The following ANK2 variants were observed in gnomAD, a reference collection of about 807,000 sequenced individuals.
ANK2 encodes ankyrin-2.
Under a neutral mutation model 360.5 loss-of-function variants are expected in ANK2, and 83 were observed. That is an observed-to-expected ratio of 0.23 (90% CI 0.19 to 0.28). ANK2 has a LOEUF of 0.28. ANK2 is among the 10% of genes least tolerant of loss of function. ANK2 has a pLI of 1.00. For missense variants in ANK2, 4,201 were observed against 4,795.7 expected, an observed-to-expected ratio of 0.88 and a Z score of 3.66; for synonymous variants, 1,740 against 1,759.5, an observed-to-expected ratio of 0.99 and a Z score of 0.28.
Position 112,940,894 on chromosome 4 carries a change from C to G in ANK2, c.21+36380C>G, listed in dbSNP as rs148959278. The stretch of plus-strand genomic sequence containing the variant: ...TCAAAGAGTATGATTTATTTATGTT[C>G]TGAATCACAGCCGCTAATGCTCACA... On this transcript the variant is annotated intron_variant, in intron 2 of 30. Transcript: ENST00000503271. Among the ~76,000 whole-genome samples, 588 of 152,148 alleles carry G rather than the reference C, an allele frequency of 3.9e-3. 4 individuals carry two copies. Among genetic ancestry groups the G allele is most frequent in the African/African-American group, 0.013 (538 of 41,528 alleles).
In ANK2 at chr4:113,363,320, T is replaced by C. The variant is rs2154047232; in HGVS notation, c.10757-18T>C. The C allele has an allele frequency of 6.2e-7, 1 of 1,611,440 alleles. No individual in the cohort carries two copies. The highest frequency in any genetic ancestry group is 1.1e-5 in the South Asian group (1 of 90,966). On this transcript the variant is annotated intron_variant, in intron 39 of 45. Coordinates refer to ENST00000357077, the MANE Select transcript of ANK2 (RefSeq NM_001148.6). Reference sequence around the variant, plus strand: ...CCTTGAAGTTAATGTGTTTACAAAGTAGTATTTTATCTTCTAGAATTAGCA... The same window carrying C: ...CCTTGAAGTTAATGTGTTTACAAAGCAGTATTTTATCTTCTAGAATTAGCA...
intron 2 of ANK2, among the ~76,000 whole-genome samples, chr4:112,978,151 G>C (rs1436215467): frequency 2.0e-5 from 3 of 152,054 alleles, no homozygotes; most frequent in Non-Finnish European, 4.4e-5. Flanking sequence ...GGCTGAGGCA[G>C]GAGAATTGCT....
the ANK2 span, among the ~76,000 whole-genome samples, chr4:112,760,717 C>T: frequency 6.6e-6 from 1 of 151,904 alleles, no homozygotes; most frequent in South Asian, 2.1e-4. Context: ...TAAAGGTGGG[C>T]TCTTTCCTGG....
At chr4:113,280,748 G>T (rs1182016416) in intron 17 of ANK2, among the ~76,000 whole-genome samples, 1 of 152,168 alleles carries the variant, frequency 6.6e-6, no homozygotes, top group Non-Finnish European at 1.5e-5. Flanking sequence ...TGTAGGTTGA[G>T]TATCTACCAG....
chr4:112,830,172 T>C (rs891581578), intron 1 of ANK2, among the ~76,000 whole-genome samples: 3 of 152,082 alleles, frequency 2.0e-5, no homozygotes, highest in Admixed American at 2.0e-4. Flanking sequence ...GAAACATAAA[T>C]TGTTCTACCA....
At chr4:113,202,788 G>A (rs6828068) in intron 4 of ANK2, among the ~76,000 whole-genome samples, 53,964 of 152,112 alleles carry the variant, frequency 0.35, 10,375 homozygotes, top group South Asian at 0.45. Flanking sequence ...ACCAATTTTG[G>A]TAGAGAGTGT....
chr4:112,845,656 A>G (rs897216500), intron 1 of ANK2, among the ~76,000 whole-genome samples: 2 of 152,230 alleles, frequency 1.3e-5, no homozygotes, highest in African/African-American at 4.8e-5. Flanking sequence ...CTTCTGGGAA[A>G]TTAACTGACA....
At chr4:112,778,578 C>T in the ANK2 span, among the ~76,000 whole-genome samples, 5 of 152,204 alleles carry the variant, frequency 3.3e-5, no homozygotes, top group Non-Finnish European at 5.9e-5. Flanking sequence ...GAAGAATGCA[C>T]AGTCCTTCTC....
chr4:113,324,799 A>AT (rs1394844335), intron 26 of ANK2, among the ~76,000 whole-genome samples: 2 of 151,900 alleles, frequency 1.3e-5, no homozygotes, highest in South Asian at 2.1e-4. Flanking sequence ...CACTCTGATG[A>AT]TTTTTTTTCC....
intron 2 of ANK2, among the ~76,000 whole-genome samples, chr4:113,185,124 G>C (rs2098493671): frequency 6.6e-6 from 1 of 152,118 alleles, no homozygotes; most frequent in Non-Finnish European, 1.5e-5. Context: ...ATTTGGGTTG[G>C]TTCCAAGTCT....
intron 2 of ANK2, among the ~76,000 whole-genome samples, chr4:112,932,608 G>A (rs2093367088): frequency 1.3e-5 from 2 of 150,506 alleles, no homozygotes; most frequent in African/African-American, 4.9e-5. Flanking sequence ...AAGTTTTAGT[G>A]TTAGTCCAAA....
chr4:113,183,057 G>T lies in ANK2; in HGVS notation c.186+8540G>T, dbSNP rs1021676387. On this transcript the variant is annotated intron_variant, in intron 2 of 45. Coordinates refer to ENST00000357077, the MANE Select transcript of ANK2 (RefSeq NM_001148.6). ...CAAGTGGAGGGACTGGCTTTTGCTA[G>T]AATCGTGGATAGTTCAGGAAAAGGA... is the stretch of plus-strand genomic sequence containing the variant. Among the ~76,000 whole-genome samples the T allele has an allele frequency of 1.1e-4, 16 of 152,272 alleles. No individual in the cohort carries two copies. In the East Asian group the frequency reaches 3.1e-3, roughly 29 times the overall value.
chr4:113,380,269 G>A (rs1254302146), intron 45 of ANK2, among the ~76,000 whole-genome samples: 5 of 151,676 alleles, frequency 3.3e-5, no homozygotes, highest in African/African-American at 1.2e-4. Flanking sequence ...AAAAAAAGAA[G>A]AATATATAGT....
intron 21 of ANK2, 157 bp from the exon 22 acceptor site, chr4:113,293,279 AAGAC>A (rs1409856105): frequency 1.4e-6 from 1 of 726,674 alleles, no homozygotes; most frequent in Admixed American, 2.0e-5. Flanking sequence ...AGAAGTTACA[AAGAC>A]AGATTTAGAC....
chr4:113,024,521 C>G (rs1326544995), intron 2 of ANK2, among the ~76,000 whole-genome samples: 1 of 152,128 alleles, frequency 6.6e-6, no homozygotes, highest in Non-Finnish European at 1.5e-5. Context: ...CAAGGGAATA[C>G]TTCTTATAAC....
At chr4:113,147,254 CA>C (rs1475032683) in intron 1 of ANK2, among the ~76,000 whole-genome samples, 1 of 152,128 alleles carries the variant, frequency 6.6e-6, no homozygotes, top group Non-Finnish European at 1.5e-5. Context: ...GGTTTGTAAC[CA>C]AGAGCAGTAA....
chr4:113,037,971 A>G (rs2061970674), intron 2 of ANK2, among the ~76,000 whole-genome samples: 6 of 152,118 alleles, frequency 3.9e-5, no homozygotes, highest in Admixed American at 3.9e-4. Context: ...TTCCTAGTAT[A>G]GAGTTTGAAG....
chr4:112,896,873 T>C (rs927277296), intron 1 of ANK2, among the ~76,000 whole-genome samples: 1 of 152,218 alleles, frequency 6.6e-6, no homozygotes, highest in Non-Finnish European at 1.5e-5. Context: ...GTGAAGCTGT[T>C]CTTTAAAGAC....
At chr4:113,237,735 A>T in intron 7 of ANK2, 113 bp downstream of exon 7, 2 of 1,011,578 alleles carry the variant, frequency 2.0e-6, no homozygotes, top group Non-Finnish European at 3.1e-6. Context: ...ATTAATGGGA[A>T]ATTAATTTGA....
Sources: allele counts gnomAD v4.1 joint callset (sites outside exome capture counted in the v4.1 genomes callset), GRCh38; gene constraint gnomAD v4.1.1; transcripts MANE v1.5; gene names NCBI Gene and HGNC (gene_info 2026-07-23, HGNC 2026-07-21).